The following TMEM108 variants were observed in gnomAD, a reference collection of about 807,000 sequenced individuals.
The protein encoded by TMEM108 is transmembrane protein 108.
A neutral mutation model predicts 35.1 loss-of-function variants in TMEM108; 12 were observed. That is an observed-to-expected ratio of 0.34 (90% CI 0.22 to 0.55). TMEM108 has a LOEUF of 0.55. TMEM108 is among the 20% of genes least tolerant of loss of function. The pLI is 0.89. For synonymous variants in TMEM108, 287 were observed against 308.6 expected, an observed-to-expected ratio of 0.93 and a Z score of 0.73; for missense variants, 680 against 753.3, an observed-to-expected ratio of 0.90 and a Z score of 1.14.
chr3:133,280,783 A>C (rs1946901286), intron 3 of TMEM108, among the ~76,000 whole-genome samples: 1 of 152,210 alleles, frequency 6.6e-6, no homozygotes, highest in Non-Finnish European at 1.5e-5. Context: ...CTCAGCTGCC[A>C]AGTGAATTGC....
Position 133,139,878 on chromosome 3 carries a change from A to G in TMEM108, c.-46-89388A>G, listed in dbSNP as rs188703860. The stretch of plus-strand genomic sequence containing the variant: ...TCCATGCCCTGTTCCAAATATAGTC[A>G]GCCCCCTCCAGCAGGGCAGTGAGCT... On this transcript the variant is annotated intron_variant, in intron 2 of 5. Transcript: ENST00000321871. Among the ~76,000 whole-genome samples, 626 of 152,236 alleles carry G rather than the reference A, an allele frequency of 4.1e-3. 4 individuals are homozygous for G. The highest frequency in any genetic ancestry group is 0.014 in the African/African-American group (565 of 41,540).
intron 2 of TMEM108, among the ~76,000 whole-genome samples, chr3:133,172,093 C>T (rs1055524476): frequency 6.6e-6 from 1 of 152,132 alleles, no homozygotes; most frequent in East Asian, 1.9e-4. Context: ...CCAGACACTG[C>T]TCTAAGGTTT....
intron 3 of TMEM108, among the ~76,000 whole-genome samples, chr3:133,318,501 A>C (rs2071225495): frequency 6.6e-6 from 1 of 152,198 alleles, no homozygotes; most frequent in Non-Finnish European, 1.5e-5. Context: ...GCAGTCCAAG[A>C]ATTTAAAACC....
chr3:133,112,712 AAT>A (rs1440638287), intron 2 of TMEM108, among the ~76,000 whole-genome samples: 2 of 152,182 alleles, frequency 1.3e-5, no homozygotes, highest in African/African-American at 4.8e-5. Context: ...TGGGTTCTAT[AAT>A]TAAGCAGTCA....
At chr3:133,122,755 C>A (rs925220981) in intron 2 of TMEM108, among the ~76,000 whole-genome samples, 3 of 150,276 alleles carry the variant, frequency 2.0e-5, no homozygotes, top group African/African-American at 7.4e-5. Flanking sequence ...CCCAGCTACT[C>A]GGGAGGCTGA....
intron 4 of TMEM108, chr3:133,387,611 T>G (rs1415070113): frequency 1.1e-6 from 1 of 906,852 alleles, no homozygotes; most frequent in Non-Finnish European, 1.3e-6. Flanking sequence ...TTGAGCAAGT[T>G]CACCTCTCTA....
intron 1 of TMEM108, among the ~76,000 whole-genome samples, chr3:133,040,266 C>A (rs1246636799): frequency 1.4e-5 from 2 of 145,160 alleles, no homozygotes; most frequent in Non-Finnish European, 3.0e-5. Context: ...TGCAGTGGTG[C>A]GATCTCGGCT....
At chr3:133,302,805 T>G (rs1450681774) in intron 3 of TMEM108, among the ~76,000 whole-genome samples, 1 of 152,192 alleles carries the variant, frequency 6.6e-6, no homozygotes, top group East Asian at 1.9e-4. Flanking sequence ...ACCCTTTAGA[T>G]CAATGTTATC....
chr3:133,208,266 C>T (rs1945787080), intron 2 of TMEM108, among the ~76,000 whole-genome samples: 1 of 152,080 alleles, frequency 6.6e-6, no homozygotes, highest in South Asian at 2.1e-4. Flanking sequence ...GGTCTGAGGA[C>T]CAAACTTTGA....
intron 2 of TMEM108, among the ~76,000 whole-genome samples, chr3:133,179,183 T>C (rs1193839478): frequency 1.3e-5 from 2 of 150,050 alleles, no homozygotes; most frequent in South Asian, 2.1e-4. Context: ...TGTGGAGAAA[T>C]AGGAACACTT....
intron 3 of TMEM108, among the ~76,000 whole-genome samples, chr3:133,243,134 G>C (rs1405661465): frequency 6.6e-6 from 1 of 152,120 alleles, no homozygotes; most frequent in Admixed American, 6.5e-5. Context: ...CGCTTGAGAA[G>C]GGATGGTAAT....
chr3:133,381,352 G>A (rs1378209567), intron 4 of TMEM108, among the ~76,000 whole-genome samples, 191 bp downstream of exon 4: 8 of 152,216 alleles, frequency 5.3e-5, no homozygotes, highest in Non-Finnish European at 1.0e-4. Context: ...TGGCTTGAAT[G>A]CCTGCTGATC....
chr3:133,137,439 C>T (rs912120653), intron 2 of TMEM108, among the ~76,000 whole-genome samples: 4 of 152,160 alleles, frequency 2.6e-5, no homozygotes, highest in Non-Finnish European at 5.9e-5. Context: ...AAACACCATC[C>T]TGTCACGCCT....
chr3:133,241,731 CAGCCTCCCAAGT>C (rs1946316612), intron 3 of TMEM108, among the ~76,000 whole-genome samples: 1 of 149,024 alleles, frequency 6.7e-6, no homozygotes, highest in African/African-American at 2.5e-5. Flanking sequence ...TTCTCCTGGT[CAGCCTCCCAAGT>C]AGCTGGGATT....
intron 2 of TMEM108, among the ~76,000 whole-genome samples, chr3:133,073,508 CTCTATATATATA>C (rs1181910011): frequency 1.4e-5 from 1 of 68,988 alleles, no homozygotes; most frequent in Non-Finnish European, 2.7e-5. Flanking sequence ...CTCTCTCTCT[CTCTATATATATA>C]TATATATATA....
intron 2 of TMEM108, among the ~76,000 whole-genome samples, chr3:133,214,837 C>T (rs11920436): frequency 0.32 from 48,133 of 151,818 alleles, 8,492 homozygotes; most frequent in East Asian, 0.47. Context: ...GGAACCCTAT[C>T]GTGAACTGTG....
intron 2 of TMEM108, among the ~76,000 whole-genome samples, chr3:133,165,508 T>TATA (rs1945024049): frequency 1.3e-5 from 2 of 152,184 alleles, no homozygotes; most frequent in African/African-American, 4.8e-5. Flanking sequence ...AAAAAAAGAC[T>TATA]ATAGACTGTT....
At chr3:133,056,666 C>T (rs1943469378) in intron 2 of TMEM108, among the ~76,000 whole-genome samples, 1 of 152,216 alleles carries the variant, frequency 6.6e-6, no homozygotes, top group Non-Finnish European at 1.5e-5. Context: ...TCCCTAACCA[C>T]ATCTTCCTTT....
At chr3:133,111,719 T>C (rs1438054838) in intron 2 of TMEM108, among the ~76,000 whole-genome samples, 1 of 152,194 alleles carries the variant, frequency 6.6e-6, no homozygotes, top group Non-Finnish European at 1.5e-5. Flanking sequence ...AGTCAACACA[T>C]ACACAAACAC....
Sources: allele counts gnomAD v4.1 joint callset (sites outside exome capture counted in the v4.1 genomes callset), GRCh38; gene constraint gnomAD v4.1.1; transcripts MANE v1.5; gene names NCBI Gene and HGNC (gene_info 2026-07-23, HGNC 2026-07-21).